RFX3: variants seen among roughly 807,000 people sequenced by gnomAD.
The protein encoded by RFX3 is regulatory factor X3.
Under a neutral mutation model 98.6 loss-of-function variants are expected in RFX3, and 14 were observed. The ratio of observed to expected loss-of-function variants is 0.14; its 90% CI spans 0.09 to 0.22. The LOEUF is 0.22. RFX3 is among the 10% of genes least tolerant of loss of function. The probability of loss-of-function intolerance (pLI) is 1.00; values close to 1 mark genes in which losing one functional copy is unlikely to be tolerated. For synonymous variants in RFX3, 383 were observed against 328.4 expected, an observed-to-expected ratio of 1.17 and a Z score of -1.80; for missense variants, 639 against 926.9, an observed-to-expected ratio of 0.69 and a Z score of 4.03.
At chr9:3,389,866 G>C (rs1310304633) in intron 2 of RFX3, among the ~76,000 whole-genome samples, 2 of 152,060 alleles carry the variant, frequency 1.3e-5, no homozygotes, top group African/African-American at 4.8e-5. Flanking sequence ...AGGCATTTCA[G>C]GTAAGTAATA....
intron 14 of RFX3, among the ~76,000 whole-genome samples, chr9:3,251,662 CA>C (rs1421047887): frequency 6.6e-6 from 1 of 151,728 alleles, no homozygotes; most frequent in Admixed American, 6.6e-5. Flanking sequence ...CTAATGTGAG[CA>C]TATATTAACT....
At chr9:3,377,413 G>A (rs1364292629) in intron 2 of RFX3, among the ~76,000 whole-genome samples, 1 of 152,146 alleles carries the variant, frequency 6.6e-6, no homozygotes, top group Non-Finnish European at 1.5e-5. Flanking sequence ...TTGGACACAG[G>A]AAGGGGAACA....
chr9:3,370,803 C>T (rs1225618164), intron 2 of RFX3, among the ~76,000 whole-genome samples: 1 of 152,070 alleles, frequency 6.6e-6, no homozygotes, highest in Non-Finnish European at 1.5e-5. Context: ...AAGTATTTTA[C>T]TTTACAATGT....
At chr9:3,445,610 T>C (rs1181455533) in intron 1 of RFX3, among the ~76,000 whole-genome samples, 1 of 152,164 alleles carries the variant, frequency 6.6e-6, no homozygotes, top group East Asian at 1.9e-4. Context: ...ATATTTCCTG[T>C]ATTCCCACCC....
chr9:3,324,270 GATTTATGCATA>G (rs1341048346), intron 4 of RFX3: 3 of 203,122 alleles, frequency 1.5e-5, no homozygotes, highest in South Asian at 8.9e-5. Flanking sequence ...TAAGAACTGT[GATTTATGCATA>G]ATTTATGCAT....
chr9:3,375,503 C>A lies in RFX3; in HGVS notation c.117+19969G>T, dbSNP rs990861089. Among the ~76,000 whole-genome samples, 3 of 152,186 alleles carry A rather than the reference C, an allele frequency of 2.0e-5. No homozygotes were observed. In the East Asian group the frequency reaches 5.8e-4, roughly 29 times the overall value. ...AAGATTTCTAAAATTAAACAAATTTCACATCATTTTTAGTATTCCATTTAT... is the reference window on the plus strand; with the variant it reads ...AAGATTTCTAAAATTAAACAAATTTAACATCATTTTTAGTATTCCATTTAT... On this transcript the variant is annotated intron_variant, in intron 2 of 16. Coordinates refer to ENST00000617270, the MANE Select transcript of RFX3 (RefSeq NM_001282116.2).
chr9:3,368,572 G>C (rs1408112589), intron 2 of RFX3, among the ~76,000 whole-genome samples: 1 of 152,122 alleles, frequency 6.6e-6, no homozygotes. Context: ...GATAGACAGG[G>C]ATATCATTTC....
At chr9:3,315,091 A>G (rs200630735) in intron 4 of RFX3, among the ~76,000 whole-genome samples, 1 of 152,014 alleles carries the variant, frequency 6.6e-6, no homozygotes, top group African/African-American at 2.4e-5. Flanking sequence ...GCATCACATC[A>G]CACTTATTCC....
rs1442975400 is a variant in RFX3, at chr9:3,223,693, ATGTCACC to A, written c.*1342_*1348del. The A allele has an allele frequency of 1.3e-5, 2 of 152,226 alleles. No individual in the cohort carries two copies. Among genetic ancestry groups the A allele is most frequent in the African/African-American group, 4.8e-5 (2 of 41,462 alleles). 9.4% of individuals were successfully genotyped at this position (152,226 alleles called of 1,614,324 possible). A position where few individuals can be genotyped will look rare whatever the true frequency, so the allele number is the denominator to read the frequency against. On this transcript the variant is annotated 3_prime_UTR_variant, in exon 17 of 17. Coordinates refer to ENST00000617270, the MANE Select transcript of RFX3 (RefSeq NM_001282116.2). ...TTTCCCTAAATTTCCTTTGAAGAAC[ATGTCACC>A]TGTCCTTACTTCAGGAATCTGAAAA...
At chr9:3,366,030 C>T (rs546067537) in intron 2 of RFX3, among the ~76,000 whole-genome samples, 1 of 152,146 alleles carries the variant, frequency 6.6e-6, no homozygotes, top group South Asian at 2.1e-4. Flanking sequence ...ACTTGGGGAC[C>T]CTGGTTAACA....
intron 2 of RFX3, among the ~76,000 whole-genome samples, chr9:3,367,948 C>A (rs1837396470): frequency 1.3e-5 from 2 of 152,142 alleles, no homozygotes; most frequent in Non-Finnish European, 2.9e-5. Flanking sequence ...AAATCTATTT[C>A]ACAAGAGGTT....
chr9:3,440,973 C>T (rs557207967), intron 1 of RFX3, among the ~76,000 whole-genome samples: 1 of 152,190 alleles, frequency 6.6e-6, no homozygotes, highest in South Asian at 2.1e-4. Context: ...GCAAAGGCAT[C>T]CAAGTAAAGA....
rs183086064 is a variant in RFX3, at chr9:3,362,695, A to G, written c.118-15931T>C. Among the ~76,000 whole-genome samples, 7 of 152,352 alleles carry G rather than the reference A, an allele frequency of 4.6e-5. No homozygotes were observed. In the East Asian group the frequency reaches 5.8e-4, roughly 13 times the overall value. The stretch of plus-strand genomic sequence containing the variant: ...AGAAGAATAATATGAAGGCTAACAT[A>G]GCAGTAGGGTCCTGGCTCTCTTGAC... On this transcript the variant is annotated intron_variant, in intron 2 of 16. Coordinates refer to ENST00000617270, the MANE Select transcript of RFX3 (RefSeq NM_001282116.2).
chr9:3,402,482 T>G (rs991058346), intron 1 of RFX3, among the ~76,000 whole-genome samples: 1 of 151,980 alleles, frequency 6.6e-6, no homozygotes, highest in African/African-American at 2.4e-5. Flanking sequence ...ATAAACGACA[T>G]CTAAAATGTG....
At chr9:3,244,677 C>T (rs989853236) in intron 15 of RFX3, among the ~76,000 whole-genome samples, 1 of 152,168 alleles carries the variant, frequency 6.6e-6, no homozygotes, top group Non-Finnish European at 1.5e-5. Context: ...TTAGTTCTTA[C>T]CTCAAACATC....
At chr9:3,504,172 ATAT>A (rs1816387259) in intron 1 of RFX3, among the ~76,000 whole-genome samples, 1 of 98,112 alleles carries the variant, frequency 1.0e-5, no homozygotes, top group Non-Finnish European at 1.7e-5. Flanking sequence ...TATATATATT[ATAT>A]ATTATACATA....
chr9:3,376,973 G>C (rs1838606957), intron 2 of RFX3, among the ~76,000 whole-genome samples: 1 of 152,166 alleles, frequency 6.6e-6, no homozygotes, highest in South Asian at 2.1e-4. Context: ...TGGAGAAATA[G>C]GAACACTTTT....
At chr9:3,451,059 C>G (rs1028728657) in intron 1 of RFX3, among the ~76,000 whole-genome samples, 1 of 152,046 alleles carries the variant, frequency 6.6e-6, no homozygotes, top group African/African-American at 2.4e-5. Context: ...TCTGGAGCAT[C>G]CTGCAGTGTA....
intron 15 of RFX3, among the ~76,000 whole-genome samples, chr9:3,232,118 G>T (rs943153581): frequency 1.3e-5 from 2 of 149,928 alleles, no homozygotes; most frequent in Admixed American, 6.7e-5. Flanking sequence ...AGATTTAGAT[G>T]AAAAAAAAAG....
Sources: gnomAD v4.1 joint callset for allele counts (sites outside exome capture counted in the v4.1 genomes callset) on GRCh38, gnomAD v4.1.1 for gene constraint, MANE v1.5 for transcripts, NCBI Gene and HGNC (gene_info 2026-07-23, HGNC 2026-07-21) for gene names.